The following ERC2 variants were observed in gnomAD, a reference collection of about 807,000 sequenced individuals.
The protein encoded by ERC2 is ERC protein 2.
A neutral mutation model predicts 114.8 loss-of-function variants in ERC2; 42 were observed. The observed-to-expected ratio is 0.37, with a 90% CI of 0.29 to 0.47. The LOEUF is 0.47. Among genes scored for constraint, ERC2 ranks in the 20% least tolerant of loss-of-function variants. The pLI is 0.99. For missense variants in ERC2, 939 were observed against 1,150.7 expected, an observed-to-expected ratio of 0.82 and a Z score of 2.66; for synonymous variants, 454 against 425.5, an observed-to-expected ratio of 1.07 and a Z score of -0.82.
Position 56,010,359 on chromosome 3 carries a change from C to T in ERC2, c.1920+90G>A, listed in dbSNP as rs571998186. 9.2e-5 allele frequency: 132 copies of T among 1,427,868 alleles called. No homozygotes were observed. The African/African-American group carries it at 1.7e-3, about 18-fold the overall frequency. 88.4% of individuals were successfully genotyped at this position (1,427,868 alleles called of 1,614,324 possible). Reference sequence around the variant, plus strand: ...ACATTCCCCAAGCCTTCATACAGTGCCTCCTACTAAGTCTCTAGTCTCTTG... The same window carrying T: ...ACATTCCCCAAGCCTTCATACAGTGTCTCCTACTAAGTCTCTAGTCTCTTG... On this transcript the variant is annotated intron_variant, in intron 9 of 17. Transcript: ENST00000288221.
chr3:56,070,161 T>C (rs193102326), intron 7 of ERC2, among the ~76,000 whole-genome samples: 61 of 152,290 alleles, frequency 4.0e-4, no homozygotes, highest in Non-Finnish European at 1.5e-5. Context: ...GCAGAGTCCA[T>C]TGGCAAACAA....
chr3:55,670,512 A>G (rs1471421727), intron 17 of ERC2, among the ~76,000 whole-genome samples: 1 of 152,224 alleles, frequency 6.6e-6, no homozygotes, highest in East Asian at 1.9e-4. Context: ...GGGGAATGCA[A>G]TGTGAGTCAG....
At chr3:56,062,586 T>C (rs2076288865) in intron 7 of ERC2, among the ~76,000 whole-genome samples, 1 of 152,166 alleles carries the variant, frequency 6.6e-6, no homozygotes, top group Admixed American at 6.5e-5. Flanking sequence ...CAAGAAGCGC[T>C]CATTTCTTTT....
rs144546865 is a variant in ERC2, at chr3:56,248,317, C to T, written c.1074+47702G>A. Among the ~76,000 whole-genome samples, 375 of 152,262 alleles carry T rather than the reference C, an allele frequency of 2.5e-3. 3 individuals carry two copies. Among genetic ancestry groups the T allele is most frequent in the African/African-American group, 8.5e-3 (354 of 41,544 alleles). On this transcript the variant is annotated intron_variant, in intron 3 of 17. Coordinates refer to ENST00000288221, the MANE Select transcript of ERC2 (RefSeq NM_015576.3). ...CTATATTGCCCAGACTGGTCTTGAACTCCTGGCCTCAAGCAATTCTCCTGC... is the reference window on the plus strand; with the variant it reads ...CTATATTGCCCAGACTGGTCTTGAATTCCTGGCCTCAAGCAATTCTCCTGC...
chr3:55,857,295 C>T (rs1183972121), intron 14 of ERC2, among the ~76,000 whole-genome samples: 1 of 152,092 alleles, frequency 6.6e-6, no homozygotes, highest in Non-Finnish European at 1.5e-5. Flanking sequence ...GACAGTGAAG[C>T]AAAGACCAGA....
At chr3:56,406,795 T>G (rs1453047380) in intron 2 of ERC2, among the ~76,000 whole-genome samples, 2 of 152,152 alleles carry the variant, frequency 1.3e-5, no homozygotes, top group Admixed American at 6.5e-5. Context: ...ATGCAAAAAC[T>G]CTTAATTTTG....
chr3:55,722,666 G>A (rs751264908), intron 15 of ERC2, among the ~76,000 whole-genome samples: 4 of 152,142 alleles, frequency 2.6e-5, no homozygotes, highest in Non-Finnish European at 5.9e-5. Flanking sequence ...TATCTGGAAC[G>A]TAGTACATGC....
intron 6 of ERC2, among the ~76,000 whole-genome samples, chr3:56,120,613 C>T (rs1233968391): frequency 6.6e-6 from 1 of 152,146 alleles, no homozygotes; most frequent in Non-Finnish European, 1.5e-5. Flanking sequence ...CTCTATAAAG[C>T]AGCTCCTGAC....
chr3:56,032,917 AAG>A (rs2074481749), intron 7 of ERC2, among the ~76,000 whole-genome samples: 7 of 75,966 alleles, frequency 9.2e-5, no homozygotes, highest in African/African-American at 2.8e-4. Context: ...GAAAGAAAGA[AAG>A]AAAGAAAGAA....
At position 56,308,422 on chromosome 3, in the gene ERC2, C is replaced by T. The variant is rs541140103; in HGVS notation, c.658-11987G>A. ...AAGGAAAAATACACTTTGCCTTAGC[C>T]AACGTTTATAAGAGTGACTTCCAAT... is the stretch of plus-strand genomic sequence containing the variant. On this transcript the variant is annotated intron_variant, in intron 2 of 17. Coordinates refer to ENST00000288221, the MANE Select transcript of ERC2 (RefSeq NM_015576.3). Among the ~76,000 whole-genome samples the T allele has an allele frequency of 1.1e-4, 16 of 152,308 alleles. No individual in the cohort carries two copies. The East Asian group carries it at 3.1e-3, about 29-fold the overall frequency.
At chr3:56,398,131 A>C (rs1560748954) in intron 2 of ERC2, among the ~76,000 whole-genome samples, 1 of 152,236 alleles carries the variant, frequency 6.6e-6, no homozygotes, top group Non-Finnish European at 1.5e-5. Flanking sequence ...GTGGGGGAAA[A>C]TAGAATTGGA....
chr3:56,106,359 A>G (rs2078665016), intron 6 of ERC2, among the ~76,000 whole-genome samples: 1 of 152,256 alleles, frequency 6.6e-6, no homozygotes, highest in South Asian at 2.1e-4. Context: ...CCAGTTATGT[A>G]TTAGAGCTCC....
At chr3:56,069,271 C>T (rs1365315452) in intron 7 of ERC2, among the ~76,000 whole-genome samples, 1 of 152,200 alleles carries the variant, frequency 6.6e-6, no homozygotes, top group African/African-American at 2.4e-5. Context: ...TGTCAGTATC[C>T]TGTGAACTCT....
intron 17 of ERC2, among the ~76,000 whole-genome samples, chr3:55,671,370 C>A (rs2061552348): frequency 1.3e-5 from 2 of 152,088 alleles, no homozygotes; most frequent in Admixed American, 1.3e-4. Flanking sequence ...ACATCTATAT[C>A]TGGATTTTGC....
intron 2 of ERC2, among the ~76,000 whole-genome samples, chr3:56,378,794 C>G (rs1380752557): frequency 2.0e-5 from 3 of 152,050 alleles, no homozygotes; most frequent in African/African-American, 7.2e-5. Context: ...CAGCAGTGTG[C>G]CAGAAACAGT....
chr3:55,802,821 A>AC (rs1246781041), intron 14 of ERC2, among the ~76,000 whole-genome samples: 1 of 152,102 alleles, frequency 6.6e-6, no homozygotes, highest in Non-Finnish European at 1.5e-5. Context: ...AGATGACACT[A>AC]CCCCACTGTC....
intron 17 of ERC2, among the ~76,000 whole-genome samples, chr3:55,655,373 T>TA (rs1450477202): frequency 3.9e-5 from 6 of 152,216 alleles, no homozygotes; most frequent in African/African-American, 1.4e-4. Context: ...GCCCAGCCCT[T>TA]AGATTATGGA....
intron 3 of ERC2, among the ~76,000 whole-genome samples, chr3:56,264,850 G>T (rs2053189367): frequency 6.9e-6 from 1 of 145,578 alleles, no homozygotes; most frequent in Non-Finnish European, 1.5e-5. Flanking sequence ...TCAAGAAAAT[G>T]ATCCGATTTA....
intron 3 of ERC2, among the ~76,000 whole-genome samples, chr3:56,183,140 A>G (rs2083378710): frequency 6.6e-6 from 1 of 152,192 alleles, no homozygotes; most frequent in African/African-American, 2.4e-5. Context: ...GAATATTTAA[A>G]GATTGACCCC....
Sources: gnomAD v4.1 joint callset for allele counts (sites outside exome capture counted in the v4.1 genomes callset) on GRCh38, gnomAD v4.1.1 for gene constraint, MANE v1.5 for transcripts, NCBI Gene and HGNC (gene_info 2026-07-23, HGNC 2026-07-21) for gene names.